The following RECQL variants were observed in gnomAD, a reference collection of about 807,000 sequenced individuals.
RECQL encodes the protein RecQ like helicase, also known as ATP-dependent DNA helicase Q1.
In RECQL, 73 loss-of-function variants were observed where a neutral mutation model predicts 75.8. The ratio of observed to expected loss-of-function variants is 0.96; its 90% CI spans 0.80 to 1.17. The LOEUF (loss-of-function observed/expected upper bound fraction) is 1.17, where lower values mean the gene tolerates loss of function less well. Among genes scored for constraint, RECQL ranks in the 50% most tolerant of loss-of-function variants. The pLI is 0.00. For missense variants in RECQL, 699 were observed against 772.1 expected (o/e 0.91, Z 1.12); for synonymous variants, 248 against 254.4 (o/e 0.97, Z 0.24).
chr12:21,477,740 A>G (rs1257243664), intron 7 of RECQL, 63 bp downstream of exon 7: 8 of 1,349,684 alleles, frequency 5.9e-6, no homozygotes, highest in Non-Finnish European at 8.1e-6. Context: ...AACATAATAA[A>G]AAGGCAGATC....
rs1565571187 is a variant in RECQL, at chr12:21,486,656, C to CCTTTT, written c.395-72_395-71insAAAAG. ...CTCAGAATCAGATGCAAACCATTCACGTTTTTTTTTTTTTTTTTTTTTTTT... is the reference window on the plus strand; with the variant it reads ...CTCAGAATCAGATGCAAACCATTCACCTTTTGTTTTTTTTTTTTTTTTTTTTTTTT... On this transcript the variant is annotated intron_variant, in intron 4 of 14. Transcript: ENST00000444129. The CCTTTT allele has an allele frequency of 1.4e-3, 226 of 161,180 alleles. 44 individuals carry two copies. Among genetic ancestry groups the CCTTTT allele is most frequent in the Middle Eastern group, 7.4e-3 (3 of 406 alleles). The allele number at this position is 161,180 out of a possible 1,614,324, so 10.0% of individuals were successfully genotyped here.
intron 8 of RECQL, among the ~76,000 whole-genome samples, chr12:21,476,432 G>T (rs1372000385): frequency 6.6e-6 from 1 of 151,972 alleles, no homozygotes; most frequent in African/African-American, 2.4e-5. Flanking sequence ...AGTAACATTT[G>T]CTTAGTCATT....
intron 2 of RECQL, among the ~76,000 whole-genome samples, chr12:21,494,157 G>C (rs963550200): frequency 1.3e-5 from 2 of 151,904 alleles, no homozygotes; most frequent in Non-Finnish European, 2.9e-5. Context: ...GCAGTGCCAG[G>C]CTCCTTGAAA....
chr12:21,489,345 C>T lies in RECQL; in HGVS notation c.394+854G>A, dbSNP rs528551871. Among the ~76,000 whole-genome samples the T allele has an allele frequency of 4.6e-5, 7 of 152,078 alleles. No individual in the cohort carries two copies. The South Asian group carries it at 8.3e-4, about 18-fold the overall frequency. The stretch of plus-strand genomic sequence containing the variant: ...ACAAGCCTATATTATTTACTATCTA[C>T]CCTTTCAAGAAAAAGCTTGCTGATC... On this transcript the variant is annotated intron_variant, in intron 4 of 14. Transcript: ENST00000444129.
rs368017481 is a variant in RECQL at position 21,470,350 on chromosome 12, CAAAAAAA to C, written c.1798-11_1798-5del. On this transcript the variant is annotated splice_polypyrimidine_tract_variant and splice_region_variant and intron_variant, in intron 14 of 14. Coordinates refer to ENST00000444129, the MANE Select transcript of RECQL (RefSeq NM_002907.4). ...GACAAGTTTGAGACGATTCAGCCTA[CAAAAAAA>C]AAAAAAAAACAAAGCAAGCACCTTG... The C allele has an allele frequency of 1.0e-6, 1 of 970,790 alleles. No individual in the cohort carries two copies. Among genetic ancestry groups the C allele is most frequent in the Admixed American group, 5.0e-5 (1 of 20,170 alleles). 60.1% of individuals were successfully genotyped at this position (970,790 alleles called of 1,614,324 possible).
intron 4 of RECQL, 76 bp from the exon 5 acceptor site, chr12:21,486,661 T>A: frequency 2.4e-6 from 1 of 422,656 alleles, no homozygotes; most frequent in South Asian, 3.8e-5. Context: ...ATTCACGTTT[T>A]TTTTTTTTTT....
intron 10 of RECQL, 54 bp from the exon 11 acceptor site, chr12:21,475,033 T>C (rs938955279): frequency 2.6e-6 from 4 of 1,562,466 alleles, no homozygotes; most frequent in African/African-American, 1.4e-5. Flanking sequence ...ATTCAAAATA[T>C]GCAAAAATGA....
In RECQL at chr12:21,478,082, A is replaced by G. The variant is rs1019825999; in HGVS notation, c.701-113T>C. On this transcript the variant is annotated intron_variant, in intron 6 of 14. Transcript: ENST00000444129. ...CTACTATGATTTTGTTTCCACAGCCATCTATAGCAGTAAATTTGCAGTTCT... is the reference window on the plus strand; with the variant it reads ...CTACTATGATTTTGTTTCCACAGCCGTCTATAGCAGTAAATTTGCAGTTCT... 3 of 1,025,438 alleles carry G rather than the reference A, an allele frequency of 2.9e-6. No individual in the cohort carries two copies. The African/African-American group carries it at 4.9e-5, about 17-fold the overall frequency. The allele number at this position is 1,025,438 out of a possible 1,614,324, so 63.5% of individuals were successfully genotyped here.
chr12:21,470,073 A>G lies in RECQL; in HGVS notation c.*121T>C, dbSNP rs570520889. 4 of 687,334 alleles carry G rather than the reference A, an allele frequency of 5.8e-6. No homozygotes were observed. The highest frequency in any genetic ancestry group is 9.3e-6 in the Non-Finnish European group (4 of 430,016). The allele number at this position is 687,334 out of a possible 1,614,324, so 42.6% of individuals were successfully genotyped here. Reference sequence around the variant, plus strand: ...AGATCTTCAGAGATAAGCTCTGAAAATATAGATCCATACATATAAAATATC... The same window carrying G: ...AGATCTTCAGAGATAAGCTCTGAAAGTATAGATCCATACATATAAAATATC... On this transcript the variant is annotated 3_prime_UTR_variant, in exon 15 of 15. Transcript: ENST00000444129.
In RECQL at chr12:21,469,089, G is replaced by C. The variant is rs764545648; in HGVS notation, c.*1105C>G. 31 of 192,790 alleles carry C rather than the reference G, an allele frequency of 1.6e-4. No individual in the cohort carries two copies. The highest frequency in any genetic ancestry group is 3.0e-4 in the Non-Finnish European group (28 of 92,968). The allele number at this position is 192,790 out of a possible 1,614,324, so 11.9% of individuals were successfully genotyped here. A position where few individuals can be genotyped will look rare whatever the true frequency, so the allele number is the denominator to read the frequency against. ...CTACTTAGCCAAATGTACTCTAGTA[G>C]ACTAGAACCATTCTTTGTGAAATGT... is the stretch of plus-strand genomic sequence containing the variant. On this transcript the variant is annotated 3_prime_UTR_variant, in exon 15 of 15. Coordinates refer to ENST00000444129, the MANE Select transcript of RECQL (RefSeq NM_002907.4).
chr12:21,482,517 G>C (rs1048392803), intron 6 of RECQL, among the ~76,000 whole-genome samples: 4 of 152,154 alleles, frequency 2.6e-5, no homozygotes, highest in Non-Finnish European at 4.4e-5. Context: ...ACAATGTTTA[G>C]TAGCCAAGCA....
chr12:21,497,559 G>A (rs1200570947), intron 2 of RECQL, among the ~76,000 whole-genome samples: 1 of 152,170 alleles, frequency 6.6e-6, no homozygotes, highest in Non-Finnish European at 1.5e-5. Flanking sequence ...CAACTTGGAA[G>A]GTAGCAAATA....
rs1427958525 is a variant in RECQL, at chr12:21,471,104, GA to G, written c.1668-7del. The G allele has an allele frequency of 2.6e-6, 4 of 1,559,108 alleles. No individual in the cohort carries two copies. Among genetic ancestry groups the G allele is most frequent in the Admixed American group, 4.5e-5 (2 of 44,538 alleles). Reference sequence around the variant, plus strand: ...CTGTAAAACTGTAGTCTTCTCTGCAGAAAATAAAGGCCAACAATAAGAAAGC... The same window carrying G: ...CTGTAAAACTGTAGTCTTCTCTGCAGAAATAAAGGCCAACAATAAGAAAGC... On this transcript the variant is annotated splice_region_variant and splice_polypyrimidine_tract_variant and intron_variant, in intron 13 of 14. Transcript: ENST00000444129.
intron 5 of RECQL, among the ~76,000 whole-genome samples, chr12:21,485,628 T>C (rs968344491): frequency 1.3e-5 from 2 of 152,158 alleles, no homozygotes; most frequent in Non-Finnish European, 2.9e-5. Flanking sequence ...TTAGATGTGA[T>C]GATGGCACAG....
chr12:21,495,160 C>T (rs988739170), intron 2 of RECQL, among the ~76,000 whole-genome samples: 2 of 152,176 alleles, frequency 1.3e-5, no homozygotes, highest in Non-Finnish European at 2.9e-5. Context: ...AATTGAACCA[C>T]CTTATAGAAC....
Position 21,475,501 on chromosome 12 carries a change from T to C in RECQL, c.1183A>G (p.Met395Val). 1 of 1,612,278 alleles carries C rather than the reference T, an allele frequency of 6.2e-7. No homozygotes were observed. The highest frequency in any genetic ancestry group is 8.5e-7 in the Non-Finnish European group (1 of 1,178,812). ...FVIHHSMSKS[M>V]ENYYQESGRA... ...CCACTCTCTTGGTAATAATTTTCCA[T>C]GGATTTACTCATTGAATGATGGATA... Residue 395 changes from methionine (M) to valine (V), a missense_variant, in exon 10 of 15, where the codon ATG (methionine) becomes GTG (valine). Physicochemically the swap from Met to Val is conservative, Grantham distance 21 (BLOSUM62 1). Around this residue, in one of 2 missense-constraint regions of RECQL, gnomAD observed 669 missense variants for 713.5 expected, o/e 0.94. Transcript: ENST00000444129.
chr12:21,496,172 C>T (rs1943504914), intron 2 of RECQL, among the ~76,000 whole-genome samples: 1 of 152,210 alleles, frequency 6.6e-6, no homozygotes, highest in African/African-American at 2.4e-5. Flanking sequence ...GCATTCAACT[C>T]ACCTATGTGG....
Position 21,471,425 on chromosome 12 carries a change from T to A in RECQL, c.1667+3A>T. On this transcript the variant is annotated splice_donor_region_variant and intron_variant, in intron 13 of 14. Coordinates refer to ENST00000444129, the MANE Select transcript of RECQL (RefSeq NM_002907.4). ...AAAGAATAATGAATGAGTTTGTACA[T>A]ACTTAAGATACTGCTGTATTAGAAA... The A allele has an allele frequency of 3.7e-6, 6 of 1,606,826 alleles. No homozygotes were observed. The highest frequency in any genetic ancestry group is 5.1e-6 in the Non-Finnish European group (6 of 1,174,690).
chr12:21,469,976 A>G lies in RECQL; in HGVS notation c.*218T>C, dbSNP rs184438416. ...TACATTTAAAGGGTTTTACATAAAA[A>G]TTTTTCCCTTGTTTTATACTGGAAA... On this transcript the variant is annotated 3_prime_UTR_variant, in exon 15 of 15. Transcript: ENST00000444129. The G allele has an allele frequency of 2.5e-4, 132 of 534,386 alleles. No individual in the cohort carries two copies. Among genetic ancestry groups the G allele is most frequent in the African/African-American group, 2.4e-3 (123 of 50,208 alleles). 33.1% of individuals were successfully genotyped at this position (534,386 alleles called of 1,614,324 possible).
Sources: gnomAD v4.1 joint callset for allele counts (sites outside exome capture counted in the v4.1 genomes callset) on GRCh38, gnomAD v4.1.1 for gene constraint, gnomAD v4.1.1 regional missense constraint, MANE v1.5 for transcripts, NCBI Gene and HGNC (gene_info 2026-07-23, HGNC 2026-07-21) for gene names.